CEP85L: variants seen among roughly 807,000 people sequenced by gnomAD.
CEP85L encodes centrosomal protein of 85 kDa-like.
A neutral mutation model predicts 100.3 loss-of-function variants in CEP85L; 60 were observed. The ratio of observed to expected loss-of-function variants is 0.60; its 90% CI spans 0.49 to 0.74. The LOEUF is 0.74. Among genes scored for constraint, CEP85L ranks in the 30% least tolerant of loss-of-function variants. The pLI is 0.00. For synonymous variants in CEP85L, 319 were observed against 322.7 expected, an observed-to-expected ratio of 0.99 and a Z score of 0.12; for missense variants, 973 against 936.2, an observed-to-expected ratio of 1.04 and a Z score of -0.51.
chr6:118,471,523 C>T (rs1252154717), intron 10 of CEP85L, among the ~76,000 whole-genome samples: 2 of 151,892 alleles, frequency 1.3e-5, no homozygotes, highest in Non-Finnish European at 2.9e-5. Context: ...ATATTTTCCT[C>T]ACATTATCTT....
At chr6:118,594,938 C>G (rs753854601) in intron 2 of CEP85L, among the ~76,000 whole-genome samples, 7 of 151,718 alleles carry the variant, frequency 4.6e-5, no homozygotes, top group Admixed American at 3.3e-4. Flanking sequence ...GAGAGCCTGC[C>G]TATCAGGAGC....
At position 118,470,521 on chromosome 6, in the gene CEP85L, A is replaced by C; in HGVS notation, c.2022+16T>G. The C allele has an allele frequency of 6.8e-7, 1 of 1,468,956 alleles. No individual in the cohort carries two copies. The highest frequency in any genetic ancestry group is 9.2e-7 in the Non-Finnish European group (1 of 1,081,952). The allele number at this position is 1,468,956 out of a possible 1,614,324, so 91.0% of individuals were successfully genotyped here. A position where few individuals can be genotyped will look rare whatever the true frequency, so the allele number is the denominator to read the frequency against. ...GAATCATCCTTTCAAAGCAAAATTG[A>C]ATTTCTTCTACTCACTTCAAGCAAT... On this transcript the variant is annotated intron_variant, in intron 11 of 12. Coordinates refer to ENST00000368491, the MANE Select transcript of CEP85L (RefSeq NM_001042475.3).
intron 1 of CEP85L, among the ~76,000 whole-genome samples, chr6:118,707,245 G>A (rs1258883044): frequency 6.8e-6 from 1 of 147,344 alleles, no homozygotes; most frequent in African/African-American, 2.5e-5. Flanking sequence ...CCCAGACTGA[G>A]CTCATTGGAG....
intron 5 of CEP85L, chr6:118,502,312 T>G: frequency 1.9e-6 from 1 of 516,234 alleles, no homozygotes; most frequent in Non-Finnish European, 3.6e-6. Context: ...AAGACTGATC[T>G]TCCAAGCAAT....
At chr6:118,632,727 C>A in intron 1 of CEP85L, 116 bp from the exon 2 acceptor site, 7 of 659,686 alleles carry the variant, frequency 1.1e-5, no homozygotes, top group South Asian at 6.9e-5. Context: ...TCTTTTCTGC[C>A]CAAAATAATT....
intron 6 of CEP85L, among the ~76,000 whole-genome samples, chr6:118,486,222 T>C (rs1245752110): frequency 6.6e-6 from 1 of 152,202 alleles, no homozygotes; most frequent in African/African-American, 2.4e-5. Flanking sequence ...AGTTTTGTGC[T>C]GTCCCATACA....
At chr6:118,564,890 C>T (rs1294866326) in intron 3 of CEP85L, 1 of 152,112 alleles carries the variant, frequency 6.6e-6, no homozygotes, top group African/African-American at 2.4e-5. Context: ...CATTTACATG[C>T]TATTCCCTAG....
chr6:118,473,219 T>C (rs189564341), intron 10 of CEP85L, among the ~76,000 whole-genome samples: 22 of 152,242 alleles, frequency 1.4e-4, no homozygotes, highest in Admixed American at 5.2e-4. Context: ...GGAACTTTAC[T>C]AGGAGAAAAA....
intron 1 of CEP85L, among the ~76,000 whole-genome samples, chr6:118,682,306 G>A (rs1464346137): frequency 1.3e-5 from 2 of 152,150 alleles, no homozygotes; most frequent in African/African-American, 4.8e-5. Flanking sequence ...GGAAGTAGCT[G>A]TTCTTTCAAG....
intron 3 of CEP85L, chr6:118,548,527 T>C (rs1482920914): frequency 1.3e-5 from 2 of 152,124 alleles, no homozygotes; most frequent in African/African-American, 4.8e-5. Flanking sequence ...TAAAATGACA[T>C]GACAAAGTGC....
intron 2 of CEP85L, among the ~76,000 whole-genome samples, chr6:118,613,650 G>A (rs745620385): frequency 6.0e-5 from 9 of 151,036 alleles, no homozygotes; most frequent in Non-Finnish European, 8.8e-5. Flanking sequence ...CCAGCTACTC[G>A]GGAGGCTGAG....
At chr6:118,465,731 G>C (rs1772467915) in intron 12 of CEP85L, among the ~76,000 whole-genome samples, 163 bp from the exon 13 acceptor site, 1 of 152,150 alleles carries the variant, frequency 6.6e-6, no homozygotes, top group Non-Finnish European at 1.5e-5. Context: ...ATATTAAACA[G>C]ATCTTATCCA....
At chr6:118,556,649 G>C (rs1319853744) in intron 3 of CEP85L, among the ~76,000 whole-genome samples, 2 of 152,064 alleles carry the variant, frequency 1.3e-5, no homozygotes, top group East Asian at 3.8e-4. Flanking sequence ...TGTATAAAAG[G>C]ACTTAGGAGA....
At position 118,617,037 on chromosome 6, in the gene CEP85L, A is replaced by C. The variant is rs540244600; in HGVS notation, c.232+15416T>G. Among the ~76,000 whole-genome samples, 6 of 152,210 alleles carry C rather than the reference A, an allele frequency of 3.9e-5. No homozygotes were observed. In the East Asian group the frequency reaches 1.2e-3, roughly 29 times the overall value. ...ATGTAGCAAGCTCCAGTCTCTAAAA[A>C]ATAAAAATAAAAAAAATTTTAAAAA... On this transcript the variant is annotated intron_variant, in intron 2 of 12. Transcript: ENST00000368491.
intron 2 of CEP85L, chr6:118,589,118 A>T (rs952028586): frequency 6.6e-6 from 2 of 301,514 alleles, no homozygotes; most frequent in Non-Finnish European, 1.4e-5. Flanking sequence ...TGATGCTCAG[A>T]TATCAGAGAA....
At chr6:118,502,365 T>C in intron 5 of CEP85L, 1 of 540,428 alleles carries the variant, frequency 1.9e-6, no homozygotes, top group Non-Finnish European at 3.5e-6. Context: ...AGATTACCCA[T>C]ATGTTAAGAC....
intron 2 of CEP85L, among the ~76,000 whole-genome samples, chr6:118,595,937 T>C (rs1170586609): frequency 2.0e-5 from 3 of 152,182 alleles, no homozygotes; most frequent in Non-Finnish European, 4.4e-5. Flanking sequence ...CTAAAATATG[T>C]TGTAGATACA....
At chr6:118,569,058 G>C (rs1353606179) in intron 2 of CEP85L, among the ~76,000 whole-genome samples, 1 of 151,824 alleles carries the variant, frequency 6.6e-6, no homozygotes, top group Non-Finnish European at 1.5e-5. Context: ...GTAAAATATA[G>C]GGCTGGGGGC....
chr6:118,605,871 G>A (rs533175342), intron 2 of CEP85L, among the ~76,000 whole-genome samples: 13 of 151,968 alleles, frequency 8.6e-5, no homozygotes, highest in Non-Finnish European at 1.2e-4. Flanking sequence ...AAAATTAGCC[G>A]GGCATGGTGG....
Sources: gnomAD v4.1 joint callset for allele counts (sites outside exome capture counted in the v4.1 genomes callset) on GRCh38, gnomAD v4.1.1 for gene constraint, MANE v1.5 for transcripts, NCBI Gene and HGNC (gene_info 2026-07-23, HGNC 2026-07-21) for gene names.